ADGRF1: variants seen among roughly 807,000 people sequenced by gnomAD.
ADGRF1 encodes the protein G protein-coupled receptor 110.
A neutral mutation model predicts 87.2 loss-of-function variants in ADGRF1; 85 were observed. The ratio of observed to expected loss-of-function variants is 0.97; its 90% CI spans 0.82 to 1.17. The LOEUF (loss-of-function observed/expected upper bound fraction) is 1.17, where lower values mean the gene tolerates loss of function less well. Ranked by LOEUF, ADGRF1 falls within the 50% of genes most tolerant of loss-of-function variation. The pLI is 0.00. For synonymous variants in ADGRF1, 430 were observed against 408.8 expected (o/e 1.05, Z -0.63); for missense variants, 1,169 against 1,077.2 (o/e 1.09, Z -1.19).
intron 6 of ADGRF1, 113 bp from the exon 7 acceptor site, chr6:47,020,902 AG>A (rs1320747872): frequency 8.9e-6 from 7 of 783,346 alleles, no homozygotes; most frequent in Non-Finnish European, 1.5e-5. Flanking sequence ...AAAGGAGCAA[AG>A]AAAAGAGACA....
intron 5 of ADGRF1, among the ~76,000 whole-genome samples, chr6:47,023,676 TTTCTTGAAA>T (rs1554136612): frequency 6.6e-6 from 1 of 152,204 alleles, no homozygotes; most frequent in Non-Finnish European, 1.5e-5. Flanking sequence ...AGACTCCCCT[TTTCTTGAAA>T]TTGATGTTGG....
At chr6:47,008,406 T>C (rs1026688898) in intron 11 of ADGRF1, among the ~76,000 whole-genome samples, 1 of 152,230 alleles carries the variant, frequency 6.6e-6, no homozygotes, top group Non-Finnish European at 1.5e-5. Context: ...ACTTTAGGCT[T>C]TGCGGGCTAT....
rs777573485 is a variant in ADGRF1 at position 47,009,698 on chromosome 6, A to G, written c.1737T>C (p.Ser579=). The change falls in exon 11 of 15, where the codon TCT becomes TCC. Residue 579 remains serine (S), a synonymous_variant. Coordinates refer to ENST00000371253, the MANE Select transcript of ADGRF1 (RefSeq NM_153840.4). ...FSILMSPFVP[S]TIFPVVKWIT... is the part of the protein sequence containing the mutation. ...TCCATTTTACAACGGGGAAGATTGT[A>G]GAGGGGACAAAAGGTGACATCAATA... is the stretch of plus-strand genomic sequence containing the variant. 1 of 1,614,066 alleles carries G rather than the reference A, an allele frequency of 6.2e-7. No homozygotes were observed. Among genetic ancestry groups the G allele is most frequent in the African/African-American group, 1.3e-5 (1 of 74,930 alleles).
chr6:47,033,291 A>T (rs1346538046), intron 1 of ADGRF1, among the ~76,000 whole-genome samples: 1 of 152,234 alleles, frequency 6.6e-6, no homozygotes, highest in Non-Finnish European at 1.5e-5. Context: ...GTTTACAGGG[A>T]ACAATCATTA....
At chr6:47,018,406 T>A (rs1318810986) in intron 7 of ADGRF1, 1 of 1,279,918 alleles carries the variant, frequency 7.8e-7, no homozygotes. Flanking sequence ...GCTCAAATTC[T>A]TACTACATTG....
chr6:47,037,262 G>C (rs754630401), intron 1 of ADGRF1, among the ~76,000 whole-genome samples: 2 of 151,972 alleles, frequency 1.3e-5, no homozygotes, highest in Non-Finnish European at 2.9e-5. Context: ...CTGACCATTT[G>C]TATTTTTTTC....
intron 14 of ADGRF1, 75 bp downstream of exon 14, chr6:47,001,426 T>C: frequency 3.3e-6 from 4 of 1,203,930 alleles, no homozygotes; most frequent in African/African-American, 1.5e-5. Flanking sequence ...CATGTTGCCA[T>C]TGAATTTTAT....
chr6:47,004,434 A>T (rs1226472), intron 13 of ADGRF1, among the ~76,000 whole-genome samples: 12,732 of 152,282 alleles, frequency 0.084, 1,219 homozygotes, highest in African/African-American at 0.22. Flanking sequence ...AAATACAGAC[A>T]CTGCCTTCTC....
chr6:47,014,890 C>G, intron 8 of ADGRF1, 46 bp from the exon 9 acceptor site: 1 of 1,549,318 alleles, frequency 6.5e-7, no homozygotes, highest in Non-Finnish European at 8.7e-7. Context: ...CTAGAATATC[C>G]TGGCACTCTA....
Position 47,009,734 on chromosome 6 carries a change from G to A in ADGRF1, c.1701C>T (p.Thr567=), listed in dbSNP as rs1779643846. Residue 567 remains threonine, a synonymous_variant, in exon 11 of 15, where the codon ACC becomes ACT. Transcript: ENST00000371253. ...AAGGTGACATCAATATGGAGAAGGA[G>A]GTCAAGTGAGTACATTGGCACGTCA... The part of the protein sequence containing the change: ...DIVTCQCTHL[T]SFSILMSPFV... 1 of 1,614,074 alleles carries A rather than the reference G, an allele frequency of 6.2e-7. No homozygotes were observed. The highest frequency in any genetic ancestry group is 1.7e-5 in the Admixed American group (1 of 60,004).
chr6:47,008,818 G>A (rs551446399), intron 11 of ADGRF1, 127 bp downstream of exon 11: 21 of 747,762 alleles, frequency 2.8e-5, no homozygotes, highest in South Asian at 4.5e-5. Context: ...TTGTTTCCAT[G>A]CAGTTTTTCT....
chr6:47,034,377 C>G (rs895843854), intron 1 of ADGRF1, among the ~76,000 whole-genome samples: 1 of 152,164 alleles, frequency 6.6e-6, no homozygotes, highest in Non-Finnish European at 1.5e-5. Context: ...TTATTAAATT[C>G]TTTAACATCT....
At chr6:47,035,118 T>G (rs1440848157) in intron 1 of ADGRF1, among the ~76,000 whole-genome samples, 2 of 152,232 alleles carry the variant, frequency 1.3e-5, no homozygotes, top group Non-Finnish European at 1.5e-5. Context: ...GTAAAAGGCT[T>G]AGCTGCAAGC....
chr6:47,042,112 A>T (rs116553343), intron 1 of ADGRF1, 79 bp downstream of exon 1: 1 of 152,174 alleles, frequency 6.6e-6, no homozygotes, highest in African/African-American at 2.4e-5. Context: ...AGGAGAGAAA[A>T]AATAATCTCA....
chr6:47,030,795 C>G (rs528203041), intron 1 of ADGRF1, among the ~76,000 whole-genome samples: 1 of 151,922 alleles, frequency 6.6e-6, no homozygotes, highest in South Asian at 2.1e-4. Context: ...TGGAGTTTCT[C>G]TCTGTTGCCC....
chr6:47,005,439 G>C (rs1779495304), intron 13 of ADGRF1, among the ~76,000 whole-genome samples: 1 of 152,192 alleles, frequency 6.6e-6, no homozygotes, highest in Non-Finnish European at 1.5e-5. Context: ...TCTGTCTAGA[G>C]AAGGAAAAAT....
At chr6:47,012,640 T>C in intron 9 of ADGRF1, 1 of 989,456 alleles carries the variant, frequency 1.0e-6, no homozygotes, top group Non-Finnish European at 1.2e-6. Flanking sequence ...TTAGGGTAGG[T>C]CTACTGGTAG....
chr6:47,009,800 G>A lies in ADGRF1; in HGVS notation c.1635C>T (p.Asn545=), dbSNP rs748514839. 3.0e-5 allele frequency: 49 copies of A among 1,614,088 alleles called. No homozygotes were observed. The Middle Eastern group carries it at 4.9e-4, about 16-fold the overall frequency. The change falls in exon 11 of 15, where the codon AAC becomes AAT. Residue 545 remains asparagine, a synonymous_variant. Coordinates refer to ENST00000371253, the MANE Select transcript of ADGRF1 (RefSeq NM_153840.4). ...CATTCACTAGGTGGCAGCCTGCATC[G>A]TTCCACTGCAAATGACTGAAATCCC... ...VFWDFSHLQW[N]DAGCHLVNET... is the part of the protein sequence containing the mutation.
chr6:47,032,063 GAGCTGTTATTCTAGACTGTTTTA>G (rs1374446551), intron 1 of ADGRF1, among the ~76,000 whole-genome samples: 4 of 152,232 alleles, frequency 2.6e-5, no homozygotes, highest in Non-Finnish European at 5.9e-5. Context: ...GCAGGTTTGA[GAGCTGTTATTCTAGACTGTTTTA>G]AGTATAGGAA....
Sources: gnomAD v4.1 joint callset for allele counts (sites outside exome capture counted in the v4.1 genomes callset) on GRCh38, gnomAD v4.1.1 for gene constraint, MANE v1.5 for transcripts, NCBI Gene and HGNC (gene_info 2026-07-23, HGNC 2026-07-21) for gene names.